GBP7: variants seen among roughly 807,000 people sequenced by gnomAD.
GBP7 encodes the protein guanylate binding protein 7.
A neutral mutation model predicts 61.3 loss-of-function variants in GBP7; 43 were observed. The ratio of observed to expected loss-of-function variants is 0.70; its 90% CI spans 0.55 to 0.91. GBP7 has a LOEUF of 0.91. Among genes scored for constraint, GBP7 ranks in the 40% least tolerant of loss-of-function variants. GBP7 has a pLI of 0.00. For missense variants in GBP7, 717 were observed against 740.5 expected (o/e 0.97, Z 0.37); for synonymous variants, 267 against 271.0 (o/e 0.99, Z 0.14).
intron 2 of GBP7, 92 bp downstream of exon 2, chr1:89,171,654 A>G (rs1647602309): frequency 3.4e-6 from 4 of 1,166,252 alleles, no homozygotes; most frequent in Non-Finnish European, 4.9e-6. Context: ...CTTATCCCCA[A>G]CACTAACTTT....
chr1:89,168,020 A>G (rs1475911240), intron 2 of GBP7, among the ~76,000 whole-genome samples: 1 of 152,242 alleles, frequency 6.6e-6, no homozygotes. Flanking sequence ...TTACACCAAC[A>G]GTAGTTTAGA....
intron 8 of GBP7, among the ~76,000 whole-genome samples, chr1:89,146,998 TC>T (rs1682083388): frequency 6.6e-6 from 1 of 152,214 alleles, no homozygotes; most frequent in African/African-American, 2.4e-5. Context: ...TATTAGCCTC[TC>T]CATGCATTCA....
intron 8 of GBP7, among the ~76,000 whole-genome samples, chr1:89,145,624 GCAAA>G (rs1288860742): frequency 1.3e-5 from 2 of 152,028 alleles, no homozygotes; most frequent in Admixed American, 6.6e-5. Flanking sequence ...AATAAATTCA[GCAAA>G]GTTGGAGGAT....
chr1:89,154,438 C>G (rs1362920407), intron 3 of GBP7, among the ~76,000 whole-genome samples: 1 of 152,140 alleles, frequency 6.6e-6, no homozygotes, highest in Non-Finnish European at 1.5e-5. Context: ...CCTCCACCTT[C>G]TGGGTTCAAG....
intron 5 of GBP7, among the ~76,000 whole-genome samples, chr1:89,150,838 G>A (rs568433678): frequency 6.6e-6 from 1 of 152,212 alleles, no homozygotes; most frequent in East Asian, 1.9e-4. Context: ...TTTGTGGTTG[G>A]TTTCCTCAGC....
chr1:89,155,558 A>G (rs536566559), intron 3 of GBP7, among the ~76,000 whole-genome samples: 15 of 152,378 alleles, frequency 9.8e-5, no homozygotes, highest in African/African-American at 1.4e-4. Context: ...TACGTGATGC[A>G]TGCACAAGCT....
chr1:89,132,535 T>G, intron 10 of GBP7, 132 bp from the exon 11 acceptor site: 1 of 674,886 alleles, frequency 1.5e-6, no homozygotes, highest in East Asian at 2.7e-5. Flanking sequence ...TGAGTTGGTC[T>G]GACATTTCCA....
chr1:89,134,567 A>C (rs1159754530), intron 9 of GBP7, among the ~76,000 whole-genome samples: 1 of 150,302 alleles, frequency 6.7e-6, no homozygotes, highest in East Asian at 2.0e-4. Flanking sequence ...CCAGCTCAGG[A>C]GTGCTGATCT....
At chr1:89,143,137 C>A (rs905281787) in intron 8 of GBP7, among the ~76,000 whole-genome samples, 4 of 152,162 alleles carry the variant, frequency 2.6e-5, no homozygotes, top group African/African-American at 9.7e-5. Context: ...CTGATTTATA[C>A]CTCATTAGCA....
Position 89,150,490 on chromosome 1 carries a change from G to A in GBP7, c.711C>T (p.Asp237=), listed in dbSNP as rs1021181466. 1.9e-6 allele frequency: 3 copies of A among 1,613,860 alleles called. No homozygotes were observed. Among genetic ancestry groups the A allele is most frequent in the Non-Finnish European group, 2.5e-6 (3 of 1,179,900 alleles). The stretch of plus-strand genomic sequence containing the variant: ...AGAGTTTTTTGTCATTTATTGGCCG[G>A]TCAAAGACAAAGCACTTCTGTTTTG... The part of the protein sequence containing the change: ...FFPKQKCFVF[D]RPINDKKLLL... The change falls in exon 6 of 11, where the codon GAC becomes GAT. Residue 237 remains aspartate, a synonymous_variant. Coordinates refer to ENST00000294671, the MANE Select transcript of GBP7 (RefSeq NM_207398.3).
intron 9 of GBP7, among the ~76,000 whole-genome samples, chr1:89,133,660 G>A (rs1028033077): frequency 2.6e-5 from 4 of 152,156 alleles, no homozygotes; most frequent in African/African-American, 9.7e-5. Context: ...GGGAGAGGAA[G>A]CTGGGAACCT....
chr1:89,158,557 A>G (rs1682366131), intron 3 of GBP7, among the ~76,000 whole-genome samples: 1 of 152,234 alleles, frequency 6.6e-6, no homozygotes, highest in Non-Finnish European at 1.5e-5. Flanking sequence ...GCATTCTTAT[A>G]CACCAATAAC....
intron 2 of GBP7, among the ~76,000 whole-genome samples, chr1:89,170,875 C>G (rs1366183854): frequency 2.0e-5 from 3 of 152,186 alleles, no homozygotes; most frequent in African/African-American, 7.2e-5. Flanking sequence ...TTGCTGCCAT[C>G]AGGGTCCCTG....
intron 1 of GBP7, among the ~76,000 whole-genome samples, chr1:89,173,092 C>G (rs952460166): frequency 6.6e-6 from 1 of 152,010 alleles, no homozygotes; most frequent in African/African-American, 2.4e-5. Flanking sequence ...ATTTTCAGCG[C>G]TTCTTTCCTT....
In GBP7 at chr1:89,141,727, A is replaced by G. The variant is rs963633817; in HGVS notation, c.1366-79T>C. On this transcript the variant is annotated intron_variant, in intron 8 of 10. Coordinates refer to ENST00000294671, the MANE Select transcript of GBP7 (RefSeq NM_207398.3). The stretch of plus-strand genomic sequence containing the variant: ...TGATGAGGAAATTATTGTTCAACAA[A>G]GCCACAAATCTAACCTTGTAAACTT... 12 of 1,111,502 alleles carry G rather than the reference A, an allele frequency of 1.1e-5. No homozygotes were observed. In the African/African-American group the frequency reaches 1.2e-4, roughly 11 times the overall value. The allele number at this position is 1,111,502 out of a possible 1,614,324, so 68.9% of individuals were successfully genotyped here.
intron 9 of GBP7, among the ~76,000 whole-genome samples, chr1:89,135,179 C>T (rs969424455): frequency 5.9e-5 from 9 of 152,090 alleles, no homozygotes; most frequent in Non-Finnish European, 1.3e-4. Context: ...TGAACAAAAT[C>T]TCAGAGAAAT....
chr1:89,172,537 C>G (rs1411090803), intron 1 of GBP7, among the ~76,000 whole-genome samples: 1 of 151,500 alleles, frequency 6.6e-6, no homozygotes, highest in Non-Finnish European at 1.5e-5. Context: ...TTTTTTTTTG[C>G]AAATGTCACA....
At chr1:89,134,627 C>A in intron 9 of GBP7, among the ~76,000 whole-genome samples, 1 of 145,152 alleles carries the variant, frequency 6.9e-6, no homozygotes, top group Non-Finnish European at 1.5e-5. Flanking sequence ...AAAACCCAGT[C>A]AGATGAACCC....
intron 8 of GBP7, among the ~76,000 whole-genome samples, chr1:89,144,714 T>C (rs945444762): frequency 1.3e-5 from 2 of 152,188 alleles, no homozygotes; most frequent in African/African-American, 4.8e-5. Context: ...CTGCACCTCA[T>C]GCAGTTATCT....
Sources: gnomAD v4.1 joint callset for allele counts (sites outside exome capture counted in the v4.1 genomes callset) on GRCh38, gnomAD v4.1.1 for gene constraint, MANE v1.5 for transcripts, NCBI Gene and HGNC (gene_info 2026-07-23, HGNC 2026-07-21) for gene names.